The following C6 variants were observed in gnomAD, a reference collection of about 807,000 sequenced individuals.
The protein encoded by C6 is complement component C6.
In C6, 101 loss-of-function variants were observed where a neutral mutation model predicts 112.9. The ratio of observed to expected loss-of-function variants is 0.89; its 90% CI spans 0.76 to 1.06. The LOEUF (loss-of-function observed/expected upper bound fraction) is 1.06. C6 is among the 50% of genes least tolerant of loss of function. The pLI, the probability that C6 is intolerant of heterozygous loss-of-function variation, is 0.00. For missense variants in C6, 1,202 were observed against 1,104.6 expected (o/e 1.09, Z -1.25); for synonymous variants, 431 against 384.1 (o/e 1.12, Z -1.43).
Position 41,164,232 on chromosome 5 carries a change from G to A in C6, c.1292-2373C>T, listed in dbSNP as rs115875889. ...GGTAAAAACAATGAACAATTACTGAGTTAGGAAAATGAAATAATTCTGTCA... is the reference window on the plus strand; with the variant it reads ...GGTAAAAACAATGAACAATTACTGAATTAGGAAAATGAAATAATTCTGTCA... On this transcript the variant is annotated intron_variant, in intron 9 of 17. Coordinates refer to ENST00000337836, the MANE Select transcript of C6 (RefSeq NM_000065.5). 1.2e-3 allele frequency among the ~76,000 whole-genome samples: 186 copies of A among 152,302 alleles called. 1 individual carries two copies. The highest frequency in any genetic ancestry group is 4.4e-3 in the African/African-American group (182 of 41,578).
At chr5:41,186,690 A>G (rs1323307938) in intron 5 of C6, among the ~76,000 whole-genome samples, 1 of 152,012 alleles carries the variant, frequency 6.6e-6, no homozygotes, top group Non-Finnish European at 1.5e-5. Flanking sequence ...TTTAAAATAT[A>G]TTTTATTTAA....
chr5:41,242,913 T>C (rs1467162968), intron 1 of C6, among the ~76,000 whole-genome samples: 1 of 149,714 alleles, frequency 6.7e-6, no homozygotes, highest in African/African-American at 2.5e-5. Context: ...AAAAAAATAC[T>C]GTGTGGTTTA....
chr5:41,199,942 C>T (rs2150362431), intron 3 of C6, 30 bp from the exon 4 acceptor site: 2 of 1,612,544 alleles, frequency 1.2e-6, no homozygotes, highest in East Asian at 4.5e-5. Context: ...AGATATAACT[C>T]TGAGGCAGGG....
At chr5:41,168,214 T>G (rs1397930356) in intron 9 of C6, among the ~76,000 whole-genome samples, 2 of 151,922 alleles carry the variant, frequency 1.3e-5, no homozygotes, top group African/African-American at 4.8e-5. Context: ...AAAAAAGAAA[T>G]GTACACAGGA....
At chr5:41,146,789 G>A (rs1328063864) in intron 17 of C6, among the ~76,000 whole-genome samples, 2 of 151,732 alleles carry the variant, frequency 1.3e-5, no homozygotes, top group Non-Finnish European at 2.9e-5. Flanking sequence ...AAGTATGTGA[G>A]GATTTAGATA....
At chr5:41,167,629 A>T (rs1322773585) in intron 9 of C6, among the ~76,000 whole-genome samples, 1 of 152,134 alleles carries the variant, frequency 6.6e-6, no homozygotes, top group Non-Finnish European at 1.5e-5. Flanking sequence ...TAGCTTTCAA[A>T]TTTTTTTGCA....
chr5:41,157,565 TA>T (rs1580061975), intron 13 of C6, among the ~76,000 whole-genome samples: 1 of 152,198 alleles, frequency 6.6e-6, no homozygotes, highest in East Asian at 1.9e-4. Flanking sequence ...AATAAGACTT[TA>T]TTTTTTTTTA....
In C6 at chr5:41,195,892, C is replaced by T. The variant is rs768954711; in HGVS notation, c.487G>A (p.Asp163Asn). 26 of 1,613,906 alleles carry T rather than the reference C, an allele frequency of 1.6e-5. No homozygotes were observed. The highest frequency in any genetic ancestry group is 2.7e-5 in the African/African-American group (2 of 74,936). Residue 163 changes from aspartate (D) to asparagine (N), a missense_variant, in exon 5 of 18, where the codon GAC (aspartate) becomes AAC (asparagine). Transcript: ENST00000337836. Reference protein sequence around the residue: ...ARKLECNGENDCGDNSDERDC... With the variant: ...ARKLECNGENNCGDNSDERDC... ...CTTTCATCTGAATTGTCTCCACAGT[C>T]ATTTTCTCCATTGCATTCTAACTTT...
chr5:41,236,479 G>A (rs1419692236), intron 1 of C6, among the ~76,000 whole-genome samples: 1 of 148,648 alleles, frequency 6.7e-6, no homozygotes, highest in Non-Finnish European at 1.5e-5. Context: ...AATGACTACT[G>A]GGTACATAAC....
intron 9 of C6, among the ~76,000 whole-genome samples, chr5:41,167,146 T>C (rs1748046633): frequency 1.3e-5 from 2 of 151,794 alleles, no homozygotes; most frequent in African/African-American, 2.4e-5. Flanking sequence ...CTGGAGAGAG[T>C]CAAGAGAGAA....
At chr5:41,153,579 C>T (rs59070453) in intron 15 of C6, among the ~76,000 whole-genome samples, 1 of 152,190 alleles carries the variant, frequency 6.6e-6, no homozygotes, top group East Asian at 1.9e-4. Flanking sequence ...TTAACTTTCT[C>T]CCTTTCTTTC....
At chr5:41,251,930 G>A (rs958959520) in intron 1 of C6, among the ~76,000 whole-genome samples, 1 of 152,152 alleles carries the variant, frequency 6.6e-6, no homozygotes, top group Non-Finnish European at 1.5e-5. Flanking sequence ...GGGAAATAAA[G>A]GGGCTGTAAA....
chr5:41,176,470 G>A lies in C6; in HGVS notation c.1168+5C>T. ...TTAAAAAGAGTGAGGACTGAAGAAA[G>A]TTACCTGAGTTCTTTAGTTCCTCAC... On this transcript the variant is annotated splice_donor_5th_base_variant and intron_variant, in intron 8 of 17. Coordinates refer to ENST00000337836, the MANE Select transcript of C6 (RefSeq NM_000065.5). The A allele has an allele frequency of 6.2e-6, 10 of 1,612,966 alleles. No homozygotes were observed. The highest frequency in any genetic ancestry group is 8.5e-6 in the Non-Finnish European group (10 of 1,179,178).
intron 1 of C6, among the ~76,000 whole-genome samples, chr5:41,233,806 C>A (rs1303481479): frequency 6.6e-6 from 1 of 152,026 alleles, no homozygotes; most frequent in Non-Finnish European, 1.5e-5. Context: ...TTTGCTCTAG[C>A]CACGTTAAGT....
intron 1 of C6, among the ~76,000 whole-genome samples, chr5:41,228,215 G>A (rs933912993): frequency 1.3e-5 from 2 of 151,470 alleles, no homozygotes; most frequent in Non-Finnish European, 2.9e-5. Flanking sequence ...TTATTTTTGT[G>A]GTAGCTTTTG....
At chr5:41,178,466 C>CTTTTT (rs70988836) in intron 7 of C6, among the ~76,000 whole-genome samples, 1,678 of 101,414 alleles carry the variant, frequency 0.017, no homozygotes, top group Non-Finnish European at 0.019. Context: ...TTTTCTTTTT[C>CTTTTT]TTTTTTTTTT....
intron 1 of C6, among the ~76,000 whole-genome samples, chr5:41,222,872 C>T (rs892395188): frequency 2.0e-5 from 3 of 152,084 alleles, no homozygotes; most frequent in African/African-American, 7.2e-5. Flanking sequence ...CTAATTACAA[C>T]GTTCAATAGA....
chr5:41,228,879 T>C lies in C6; in HGVS notation c.-20-25629A>G, dbSNP rs994245179. Among the ~76,000 whole-genome samples the C allele has an allele frequency of 2.6e-5, 4 of 152,158 alleles. No individual in the cohort carries two copies. The East Asian group carries it at 7.7e-4, about 29-fold the overall frequency. ...GTTTGCAGGTATTTTATGGAAGGCT[T>C]TTGCACCTATGTTCCACAGGAATAT... On this transcript the variant is annotated intron_variant, in intron 1 of 17. Transcript: ENST00000263413.
intron 1 of C6, among the ~76,000 whole-genome samples, chr5:41,234,477 G>A (rs763407494): frequency 3.3e-5 from 5 of 150,544 alleles, no homozygotes; most frequent in Non-Finnish European, 5.9e-5. Flanking sequence ...AATCCTATCT[G>A]GCAAAGTAGC....
Sources: gnomAD v4.1 joint callset for allele counts (sites outside exome capture counted in the v4.1 genomes callset) on GRCh38, gnomAD v4.1.1 for gene constraint, MANE v1.5 for transcripts, NCBI Gene and HGNC (gene_info 2026-07-23, HGNC 2026-07-21) for gene names.